The following SOX6 variants were observed in gnomAD, a reference collection of about 807,000 sequenced individuals.
The protein encoded by SOX6 is SRY-box transcription factor 6.
A neutral mutation model predicts 97.8 loss-of-function variants in SOX6; 11 were observed. That is an observed-to-expected ratio of 0.11 (90% confidence interval 0.07 to 0.19). SOX6 has a LOEUF of 0.19. SOX6 is among the 10% of genes least tolerant of loss of function. The pLI is 1.00. For missense variants in SOX6, 810 were observed against 1,039.5 expected, an observed-to-expected ratio of 0.78 and a Z score of 3.04; for synonymous variants, 360 against 371.4, an observed-to-expected ratio of 0.97 and a Z score of 0.35.
At chr11:16,134,279 C>A (rs1418045202) in intron 6 of SOX6, among the ~76,000 whole-genome samples, 1 of 152,192 alleles carries the variant, frequency 6.6e-6, no homozygotes, top group African/African-American at 2.4e-5. Flanking sequence ...CTACTTTTAA[C>A]CATTGTTCCA....
chr11:16,187,026 A>C (rs562343086), intron 4 of SOX6, 71 bp from the exon 5 acceptor site: 1 of 1,546,350 alleles, frequency 6.5e-7, no homozygotes, highest in East Asian at 2.2e-5. Flanking sequence ...AGGAGGGCAG[A>C]ATTTAGAAAG....
intron 4 of SOX6, among the ~76,000 whole-genome samples, chr11:16,499,277 C>T (rs746666480): frequency 3.3e-5 from 5 of 152,074 alleles, no homozygotes; most frequent in Non-Finnish European, 7.4e-5. Context: ...AAAGACACAA[C>T]ATACCAGAAT....
chr11:16,728,099 T>C (rs928558500), intron 2 of SOX6, among the ~76,000 whole-genome samples: 2 of 152,148 alleles, frequency 1.3e-5, no homozygotes, highest in Admixed American at 6.5e-5. Context: ...GAGGGGCTTA[T>C]AGATAAAATT....
At chr11:16,357,187 T>C (rs942480995), upstream of SOX6, among the ~76,000 whole-genome samples, 2 of 152,082 alleles carry the variant, frequency 1.3e-5, no homozygotes, top group Non-Finnish European at 2.9e-5. Flanking sequence ...GGTACTACTA[T>C]AGTTTGGCCA....
intron 3 of SOX6, among the ~76,000 whole-genome samples, chr11:16,673,019 C>T (rs1847858352): frequency 6.6e-6 from 1 of 152,072 alleles, no homozygotes. Flanking sequence ...TTGCAGTTAG[C>T]TGAGATCATG....
chr11:16,599,644 T>G (rs1848246996), intron 4 of SOX6, among the ~76,000 whole-genome samples: 1 of 152,190 alleles, frequency 6.6e-6, no homozygotes, highest in Non-Finnish European at 1.5e-5. Context: ...CTTTAAGTAT[T>G]TAAAAAAGGA....
intron 12 of SOX6, among the ~76,000 whole-genome samples, chr11:16,019,291 C>T (rs143165543): frequency 2.6e-5 from 4 of 152,136 alleles, no homozygotes; most frequent in East Asian, 3.9e-4. Context: ...TTTAAGTACA[C>T]GTCTGGTCAA....
chr11:16,591,345 AG>A (rs1848150204), intron 4 of SOX6, among the ~76,000 whole-genome samples: 2 of 91,886 alleles, frequency 2.2e-5, no homozygotes, highest in African/African-American at 9.1e-5. Flanking sequence ...ATAGATAGAT[AG>A]ATAGACAGAT....
At chr11:16,004,938 G>A (rs1468712442) in intron 13 of SOX6, among the ~76,000 whole-genome samples, 1 of 151,996 alleles carries the variant, frequency 6.6e-6, no homozygotes, top group East Asian at 1.9e-4. Context: ...CAGCATCTTT[G>A]TGAGAAATAA....
chr11:16,592,211 T>C (rs1848162663), intron 4 of SOX6, among the ~76,000 whole-genome samples: 1 of 151,376 alleles, frequency 6.6e-6, no homozygotes, highest in African/African-American at 2.4e-5. Flanking sequence ...CTGTCAGAAG[T>C]TCTCCCGAAC....
chr11:16,484,508 A>G, intron 4 of SOX6: 1 of 804,728 alleles, frequency 1.2e-6, no homozygotes, highest in Non-Finnish European at 2.3e-6. Flanking sequence ...GGCCACCTCC[A>G]CCTCATTCTC....
chr11:16,035,360 GA>G (rs1484488276), intron 12 of SOX6, among the ~76,000 whole-genome samples: 1 of 152,152 alleles, frequency 6.6e-6, no homozygotes, highest in Non-Finnish European at 1.5e-5. Context: ...CTCATCTGTA[GA>G]AGAGAAATAA....
At chr11:16,025,776 G>T (rs1350662637) in intron 12 of SOX6, among the ~76,000 whole-genome samples, 1 of 152,020 alleles carries the variant, frequency 6.6e-6, no homozygotes, top group African/African-American at 2.4e-5. Context: ...AAAATGTAAG[G>T]TACTGCTACC....
At chr11:16,090,776 GAATT>G (rs1439307183) in intron 9 of SOX6, among the ~76,000 whole-genome samples, 2 of 151,968 alleles carry the variant, frequency 1.3e-5, no homozygotes, top group East Asian at 3.9e-4. Flanking sequence ...AAAATTCCCT[GAATT>G]AATTAACTTA....
chr11:16,636,436 A>C (rs1484559878), intron 3 of SOX6, among the ~76,000 whole-genome samples: 1 of 152,216 alleles, frequency 6.6e-6, no homozygotes, highest in Non-Finnish European at 1.5e-5. Context: ...GCATCTAGGA[A>C]GTAAGTAACT....
intron 9 of SOX6, among the ~76,000 whole-genome samples, chr11:16,073,953 A>T (rs988611153): frequency 6.6e-6 from 1 of 152,176 alleles, no homozygotes; most frequent in African/African-American, 2.4e-5. Context: ...TGTTAAAAGC[A>T]GAGTTTATAG....
At chr11:16,738,428 C>G in exon 1 of SOX6, 1 of 383,230 alleles carries the variant, frequency 2.6e-6, no homozygotes, top group East Asian at 5.3e-5. Flanking sequence ...CGCTCACCGC[C>G]ATACACATCC....
Position 16,515,070 on chromosome 11 carries a change from G to T in SOX6, n.610-38682C>A, listed in dbSNP as rs547818096. Among the ~76,000 whole-genome samples the T allele has an allele frequency of 1.5e-4, 23 of 150,990 alleles. No homozygotes were observed. The East Asian group carries it at 4.6e-3, about 30-fold the overall frequency. The stretch of plus-strand genomic sequence containing the variant: ...CCTTTGGGTATATACCCAGTAATGG[G>T]ATGGCTGGGTCAAATGGTATTTCTA... On this transcript the variant is annotated intron_variant and non_coding_transcript_variant, in intron 4 of 5. Transcript: ENST00000524520.
At chr11:16,380,180 C>A (rs1030412087) in intron 1 of SOX6, among the ~76,000 whole-genome samples, 37 of 151,452 alleles carry the variant, frequency 2.4e-4, no homozygotes, top group Non-Finnish European at 7.4e-5. Context: ...TTATAGTAAA[C>A]AAAAAGTTCA....
Sources: allele counts gnomAD v4.1 joint callset (sites outside exome capture counted in the v4.1 genomes callset), GRCh38; gene constraint gnomAD v4.1.1; transcripts MANE v1.5; gene names NCBI Gene and HGNC (gene_info 2026-07-23, HGNC 2026-07-21).